ADAMTSL1: variants seen among roughly 807,000 people sequenced by gnomAD.
The protein encoded by ADAMTSL1 is ADAMTS like 1.
Under a neutral mutation model 201.8 loss-of-function variants are expected in ADAMTSL1, and 126 were observed. The observed-to-expected ratio is 0.62, with a 90% CI of 0.54 to 0.72. ADAMTSL1 has a LOEUF of 0.72. Among genes scored for constraint, ADAMTSL1 ranks in the 30% least tolerant of loss-of-function variants. ADAMTSL1 has a pLI of 0.00. For synonymous variants in ADAMTSL1, 1,121 were observed against 903.4 expected (o/e 1.24, Z -4.32); for missense variants, 2,679 against 2,277.8 (o/e 1.18, Z -3.59).
chr9:18,537,063 C>T (rs1819818963), intron 3 of ADAMTSL1, among the ~76,000 whole-genome samples: 3 of 150,762 alleles, frequency 2.0e-5, no homozygotes, highest in Non-Finnish European at 1.5e-5. Flanking sequence ...CTTTGTTGCT[C>T]ACTATAACAT....
At chr9:18,847,164 A>G (rs1826172450) in intron 23 of ADAMTSL1, among the ~76,000 whole-genome samples, 1 of 152,198 alleles carries the variant, frequency 6.6e-6, no homozygotes, top group South Asian at 2.1e-4. Context: ...AAAGTCAATC[A>G]TGAGTGTGAG....
chr9:18,844,219 G>A (rs904232769), intron 23 of ADAMTSL1, among the ~76,000 whole-genome samples: 2 of 152,130 alleles, frequency 1.3e-5, no homozygotes, highest in Non-Finnish European at 1.5e-5. Flanking sequence ...TTTTGGTGTG[G>A]ATGTCTTTTC....
intron 2 of ADAMTSL1, among the ~76,000 whole-genome samples, chr9:18,463,738 T>G (rs1031994678): frequency 3.9e-5 from 6 of 152,252 alleles, no homozygotes; most frequent in African/African-American, 1.4e-4. Flanking sequence ...GAACATTTTG[T>G]TGATCTGTTC....
chr9:18,857,988 A>C lies in ADAMTSL1; in HGVS notation c.4249+28011A>C, dbSNP rs573302194. ...CCCTAGAGAATAGTATTTAGACACC[A>C]AGATTTCAACATCAAGTAAGTTCAT... On this transcript the variant is annotated intron_variant, in intron 23 of 28. Transcript: ENST00000380548. 1.1e-4 allele frequency among the ~76,000 whole-genome samples: 17 copies of C among 152,308 alleles called. No homozygotes were observed. The East Asian group carries it at 1.7e-3, about 16-fold the overall frequency.
At chr9:17,985,463 A>G (rs1818886907) in intron 1 of ADAMTSL1, among the ~76,000 whole-genome samples, 1 of 152,154 alleles carries the variant, frequency 6.6e-6, no homozygotes, top group African/African-American at 2.4e-5. Context: ...GGAAAATAAA[A>G]TCTTGAAAAA....
At chr9:18,396,443 C>T (rs979551049) in intron 2 of ADAMTSL1, among the ~76,000 whole-genome samples, 1 of 148,830 alleles carries the variant, frequency 6.7e-6, no homozygotes, top group Non-Finnish European at 1.5e-5. Context: ...CATTACTATT[C>T]TAATAAATAA....
At chr9:18,339,093 C>T (rs1016543457) in intron 2 of ADAMTSL1, among the ~76,000 whole-genome samples, 2 of 152,206 alleles carry the variant, frequency 1.3e-5, no homozygotes, top group African/African-American at 2.4e-5. Context: ...TACTCATGCA[C>T]GTGTCTTTAT....
chr9:18,503,440 T>TATATATATATATATATAC (rs1304107760), intron 1 of ADAMTSL1, among the ~76,000 whole-genome samples: 2 of 148,338 alleles, frequency 1.3e-5, no homozygotes, highest in East Asian at 2.1e-4. Flanking sequence ...TATATATATA[T>TATATATATATATATATAC]ACCACATTTT....
chr9:17,913,105 A>G (rs1033774287), intron 1 of ADAMTSL1, among the ~76,000 whole-genome samples: 3 of 152,082 alleles, frequency 2.0e-5, no homozygotes, highest in Non-Finnish European at 4.4e-5. Flanking sequence ...GTAGCCGTGT[A>G]GTATAGTTTG....
At chr9:17,955,040 T>C (rs2131382540) in intron 1 of ADAMTSL1, among the ~76,000 whole-genome samples, 1 of 152,208 alleles carries the variant, frequency 6.6e-6, no homozygotes, top group South Asian at 2.1e-4. Flanking sequence ...TAATGAAGAA[T>C]GAGGTAAATG....
intron 1 of ADAMTSL1, among the ~76,000 whole-genome samples, chr9:18,129,288 G>A (rs966850368): frequency 6.6e-6 from 1 of 152,144 alleles, no homozygotes; most frequent in Non-Finnish European, 1.5e-5. Flanking sequence ...CAGGAGTGAG[G>A]TTCGGAATTG....
chr9:18,592,015 A>G (rs563034004), intron 4 of ADAMTSL1, among the ~76,000 whole-genome samples: 1 of 152,318 alleles, frequency 6.6e-6, no homozygotes, highest in African/African-American at 2.4e-5. Flanking sequence ...TGTCATGAAG[A>G]AAAATTGGGC....
chr9:18,508,287 C>T (rs1322163493), intron 2 of ADAMTSL1, among the ~76,000 whole-genome samples: 1 of 152,286 alleles, frequency 6.6e-6, no homozygotes, highest in South Asian at 2.1e-4. Flanking sequence ...TCTCTTCCTG[C>T]CATTCTGTAT....
intron 23 of ADAMTSL1, among the ~76,000 whole-genome samples, chr9:18,852,302 G>A (rs1175532342): frequency 2.6e-5 from 4 of 152,186 alleles, no homozygotes; most frequent in Non-Finnish European, 5.9e-5. Flanking sequence ...CAGGGTTTTT[G>A]AAAGGAATAA....
chr9:18,583,676 G>T (rs576755542), intron 4 of ADAMTSL1, among the ~76,000 whole-genome samples: 1 of 152,140 alleles, frequency 6.6e-6, no homozygotes, highest in Non-Finnish European at 1.5e-5. Flanking sequence ...AAAAGCAGCC[G>T]GGAAGGAGGC....
chr9:18,646,907 A>G, intron 7 of ADAMTSL1, among the ~76,000 whole-genome samples: 1 of 152,118 alleles, frequency 6.6e-6, no homozygotes, highest in East Asian at 1.9e-4. Context: ...GCCTCATCAA[A>G]TGAGTTAGGG....
chr9:18,204,534 T>C (rs759677655), intron 2 of ADAMTSL1, among the ~76,000 whole-genome samples: 1 of 152,154 alleles, frequency 6.6e-6, no homozygotes, highest in Non-Finnish European at 1.5e-5. Context: ...CAGTGATAGA[T>C]ATAGTATGCA....
intron 2 of ADAMTSL1, among the ~76,000 whole-genome samples, chr9:18,456,625 C>T (rs201048517): frequency 6.6e-6 from 1 of 152,084 alleles, no homozygotes; most frequent in African/African-American, 2.4e-5. Context: ...TCTTTTTATT[C>T]GATTACCACA....
intron 26 of ADAMTSL1, among the ~76,000 whole-genome samples, chr9:18,893,470 C>T (rs757007873): frequency 6.6e-6 from 1 of 152,192 alleles, no homozygotes; most frequent in Non-Finnish European, 1.5e-5. Context: ...TTTTCTACAA[C>T]CCTCCAGGCC....
Sources: gnomAD v4.1 joint callset for allele counts (sites outside exome capture counted in the v4.1 genomes callset) on GRCh38, gnomAD v4.1.1 for gene constraint, MANE v1.5 for transcripts, NCBI Gene and HGNC (gene_info 2026-07-23, HGNC 2026-07-21) for gene names.